Variants in SHISA6 observed in about 807,000 individuals in gnomAD.
SHISA6 encodes shisa family member 6, also known as protein shisa-6.
SHISA6 carries 22 observed loss-of-function variants against 47.9 expected under a neutral mutation model. The observed-to-expected ratio is 0.46, with a 90% CI of 0.33 to 0.66. The LOEUF is 0.66. Ranked by LOEUF, SHISA6 falls within the 30% of genes least tolerant of loss-of-function variation. The pLI, the probability that SHISA6 is intolerant of heterozygous loss-of-function variation, is 0.02. For missense variants in SHISA6, 680 were observed against 764.6 expected (o/e 0.89, Z 1.30); for synonymous variants, 388 against 337.8 (o/e 1.15, Z -1.63).
chr17:11,319,363 G>A (rs926422917), intron 2 of SHISA6, among the ~76,000 whole-genome samples: 1 of 152,172 alleles, frequency 6.6e-6, no homozygotes, highest in Non-Finnish European at 1.5e-5. Context: ...ATGGGTGTGA[G>A]CCCCACAGCC....
At chr17:11,494,836 G>A (rs1042745488) in intron 3 of SHISA6, among the ~76,000 whole-genome samples, 2 of 152,150 alleles carry the variant, frequency 1.3e-5, no homozygotes, top group Non-Finnish European at 2.9e-5. Flanking sequence ...AGAATCGCCT[G>A]GGAAGCTTTT....
At chr17:11,295,299 A>G (rs1353590325) in intron 2 of SHISA6, among the ~76,000 whole-genome samples, 3 of 152,208 alleles carry the variant, frequency 2.0e-5, no homozygotes, top group Non-Finnish European at 4.4e-5. Flanking sequence ...ACTAATGAGT[A>G]TTCATTCATT....
chr17:11,409,703 CA>C (rs35351476), intron 3 of SHISA6, among the ~76,000 whole-genome samples: 18,857 of 82,020 alleles, frequency 0.23, 867 homozygotes, highest in South Asian at 0.32. Flanking sequence ...GACTCCATCT[CA>C]AAAAAAAAAA....
At chr17:11,546,345 A>G (rs1026218113) in intron 3 of SHISA6, among the ~76,000 whole-genome samples, 1 of 152,178 alleles carries the variant, frequency 6.6e-6, no homozygotes, top group Non-Finnish European at 1.5e-5. Context: ...TGATCATACT[A>G]CACAACTATA....
intron 3 of SHISA6, among the ~76,000 whole-genome samples, chr17:11,503,527 T>G (rs902697348): frequency 3.9e-5 from 6 of 152,210 alleles, no homozygotes; most frequent in Admixed American, 1.3e-4. Flanking sequence ...TCCTGCTGGT[T>G]GTTCCCACTT....
intron 3 of SHISA6, among the ~76,000 whole-genome samples, chr17:11,408,278 G>A (rs975847511): frequency 2.6e-5 from 4 of 152,170 alleles, no homozygotes; most frequent in Non-Finnish European, 5.9e-5. Flanking sequence ...CTCTAAAGCA[G>A]TGGTTCTCAA....
intron 2 of SHISA6, among the ~76,000 whole-genome samples, chr17:11,320,303 T>G (rs1024479426): frequency 6.6e-6 from 1 of 152,046 alleles, no homozygotes; most frequent in African/African-American, 2.4e-5. Context: ...AAGCAATAGG[T>G]CTTAATTCCC....
In SHISA6 at chr17:11,306,944, C is replaced by T. The variant is rs575834491; in HGVS notation, c.799+43418C>T. ...GGCAACATCCTTAAGTTGATCTTTG[C>T]CTAAAAGATGCCTCTGAAAGAAGGC... On this transcript the variant is annotated intron_variant, in intron 2 of 5. Transcript: ENST00000441885. 4.6e-5 allele frequency among the ~76,000 whole-genome samples: 7 copies of T among 152,236 alleles called. No individual in the cohort carries two copies. The South Asian group carries it at 1.5e-3, about 32-fold the overall frequency.
intron 3 of SHISA6, among the ~76,000 whole-genome samples, chr17:11,427,346 G>A (rs1330920245): frequency 6.6e-6 from 1 of 152,086 alleles, no homozygotes; most frequent in Non-Finnish European, 1.5e-5. Flanking sequence ...TGTTGTCCAG[G>A]CTGGTCTTGA....
At chr17:11,367,201 T>C (rs1912482077) in intron 2 of SHISA6, among the ~76,000 whole-genome samples, 1 of 151,368 alleles carries the variant, frequency 6.6e-6, no homozygotes, top group African/African-American at 2.4e-5. Flanking sequence ...GTCATAAGAG[T>C]TGAGAAGTTT....
In SHISA6 at chr17:11,344,916, GC is replaced by G. The variant is rs530433525; in HGVS notation, c.800-34496del. Among the ~76,000 whole-genome samples the G allele has an allele frequency of 4.3e-4, 66 of 152,144 alleles. No homozygotes were observed. The South Asian group carries it at 9.1e-3, about 21-fold the overall frequency. ...GCTGTAATTTCATATCCATTAACCA[GC>G]CTCTCCTTATTCCCCCTCTTTCCGA... On this transcript the variant is annotated intron_variant, in intron 2 of 5. Coordinates refer to ENST00000441885, the MANE Select transcript of SHISA6 (RefSeq NM_207386.4).
At chr17:11,287,835 CAT>C (rs1391416942) in intron 2 of SHISA6, among the ~76,000 whole-genome samples, 1 of 152,052 alleles carries the variant, frequency 6.6e-6, no homozygotes, top group Non-Finnish European at 1.5e-5. Flanking sequence ...TATTAACAAA[CAT>C]AAAAGAACAT....
intron 3 of SHISA6, among the ~76,000 whole-genome samples, chr17:11,390,504 C>A (rs1371985191): frequency 6.6e-6 from 1 of 152,138 alleles, no homozygotes; most frequent in Non-Finnish European, 1.5e-5. Flanking sequence ...ACTCCCAGGC[C>A]CCACCCCAAA....
chr17:11,465,643 A>T (rs1175539043), intron 3 of SHISA6, among the ~76,000 whole-genome samples: 1 of 152,122 alleles, frequency 6.6e-6, no homozygotes, highest in Non-Finnish European at 1.5e-5. Flanking sequence ...TGTTGGAGTC[A>T]TGGCGCACAC....
intron 3 of SHISA6, among the ~76,000 whole-genome samples, chr17:11,381,501 T>C (rs887917201): frequency 7.2e-5 from 11 of 152,116 alleles, no homozygotes; most frequent in African/African-American, 2.7e-4. Context: ...AGGAAGCTGG[T>C]CTTCCCAGGG....
intron 3 of SHISA6, among the ~76,000 whole-genome samples, chr17:11,506,619 G>A (rs1488383515): frequency 6.6e-6 from 1 of 152,088 alleles, no homozygotes; most frequent in African/African-American, 2.4e-5. Context: ...TAGTCCCCTG[G>A]GACCATTTTT....
At chr17:11,553,663 A>G (rs1835336971) in intron 4 of SHISA6, among the ~76,000 whole-genome samples, 1 of 152,170 alleles carries the variant, frequency 6.6e-6, no homozygotes, top group African/African-American at 2.4e-5. Context: ...GTGTTCCACA[A>G]AGAGCATTAA....
chr17:11,458,215 C>A (rs1383944158), intron 3 of SHISA6, among the ~76,000 whole-genome samples: 1 of 152,090 alleles, frequency 6.6e-6, no homozygotes, highest in Non-Finnish European at 1.5e-5. Context: ...GGTGATAATG[C>A]AACTTCTTCA....
chr17:11,525,413 C>T lies in SHISA6; in HGVS notation c.896-26483C>T, dbSNP rs940599597. Among the ~76,000 whole-genome samples, 6 of 149,488 alleles carry T rather than the reference C, an allele frequency of 4.0e-5. No homozygotes were observed. In the East Asian group the frequency reaches 6.1e-4, roughly 15 times the overall value. ...ACTTTGGGAGGCCAAGGTGGGCAGA[C>T]GACAAGGTCAAGAGATTGAGACCAT... On this transcript the variant is annotated intron_variant, in intron 3 of 5. Transcript: ENST00000441885.
Sources: gnomAD v4.1 joint callset for allele counts (sites outside exome capture counted in the v4.1 genomes callset) on GRCh38, gnomAD v4.1.1 for gene constraint, MANE v1.5 for transcripts, NCBI Gene and HGNC (gene_info 2026-07-23, HGNC 2026-07-21) for gene names.